HYCC2: variants seen among roughly 807,000 people sequenced by gnomAD.
The protein encoded by HYCC2 is hyccin 2.
the HYCC2 span, among the ~76,000 whole-genome samples, chr2:200,982,860 T>G: frequency 6.6e-6 from 1 of 152,116 alleles, no homozygotes; most frequent in African/African-American, 2.4e-5. Flanking sequence ...CAGGTTCAAG[T>G]AATTCTCCTG....
At chr2:200,974,612 T>G in the HYCC2 span, 7 of 152,054 alleles carry the variant, frequency 4.6e-5, no homozygotes, top group Admixed American at 1.3e-4. Flanking sequence ...TATCAGTGAT[T>G]GTTAGAAAGC....
At chr2:201,069,417 T>G in the HYCC2 span, among the ~76,000 whole-genome samples, 2 of 152,176 alleles carry the variant, frequency 1.3e-5, no homozygotes, top group African/African-American at 2.4e-5. Flanking sequence ...CTAGTGTTTC[T>G]TTAGCTACTT....
the HYCC2 span, among the ~76,000 whole-genome samples, chr2:201,006,437 G>A: frequency 6.6e-6 from 1 of 151,784 alleles, no homozygotes; most frequent in African/African-American, 2.4e-5. Context: ...CGCACCTGGC[G>A]AGATTTTTTT....
the HYCC2 span, among the ~76,000 whole-genome samples, chr2:201,057,943 C>T: frequency 6.6e-6 from 1 of 152,100 alleles, no homozygotes; most frequent in Admixed American, 6.5e-5. Context: ...TCAACAGGCA[C>T]GTGAACAAAA....
At chr2:201,063,303 T>G in the HYCC2 span, 36 of 1,537,434 alleles carry the variant, frequency 2.3e-5, no homozygotes, top group Admixed American at 3.3e-5. Context: ...GAGGCAGCTA[T>G]GAATGCAAGG....
the HYCC2 span, among the ~76,000 whole-genome samples, chr2:201,027,197 T>G: frequency 2.4e-3 from 363 of 152,196 alleles, 1 homozygote; most frequent in African/African-American, 8.0e-3. Flanking sequence ...TCTACGCAAA[T>G]AAACTAGAAA....
At chr2:201,041,140 T>A in the HYCC2 span, among the ~76,000 whole-genome samples, 1 of 152,232 alleles carries the variant, frequency 6.6e-6, no homozygotes, top group African/African-American at 2.4e-5. Flanking sequence ...GTGTTTGCTA[T>A]AAGCATTATA....
At chr2:201,040,458 T>C in the HYCC2 span, among the ~76,000 whole-genome samples, 1 of 151,166 alleles carries the variant, frequency 6.6e-6, no homozygotes, top group African/African-American at 2.4e-5. Context: ...TTATTGCTTT[T>C]GTTTTTTTTT....
chr2:201,021,018 C>T, the HYCC2 span, among the ~76,000 whole-genome samples: 1 of 152,124 alleles, frequency 6.6e-6, no homozygotes, highest in Non-Finnish European at 1.5e-5. Flanking sequence ...CCACTCCGCT[C>T]CGCCTCCCAA....
the HYCC2 span, among the ~76,000 whole-genome samples, chr2:200,989,651 A>C: frequency 6.6e-6 from 1 of 151,850 alleles, no homozygotes; most frequent in African/African-American, 2.4e-5. Flanking sequence ...CGTCTCCACA[A>C]AAAAATACGA....
At chr2:201,007,934 T>A in the HYCC2 span, among the ~76,000 whole-genome samples, 1 of 152,338 alleles carries the variant, frequency 6.6e-6, no homozygotes, top group Admixed American at 6.5e-5. Flanking sequence ...GGGTAATGTA[T>A]CCTGACTTCA....
the HYCC2 span, among the ~76,000 whole-genome samples, chr2:201,070,730 C>G: frequency 1.3e-5 from 2 of 152,062 alleles, no homozygotes; most frequent in African/African-American, 2.4e-5. Flanking sequence ...TCCACAATAT[C>G]CTGGGGGGAG....
chr2:201,042,247 C>CGAG, the HYCC2 span, among the ~76,000 whole-genome samples: 1 of 152,234 alleles, frequency 6.6e-6, no homozygotes. Flanking sequence ...CGGAGTCTCG[C>CGAG]TCACTCAATG....
At chr2:200,994,263 G>GTCTC in the HYCC2 span, among the ~76,000 whole-genome samples, 1 of 151,680 alleles carries the variant, frequency 6.6e-6, no homozygotes, top group African/African-American at 2.4e-5. Flanking sequence ...TGGAGACGGA[G>GTCTC]TCTCGCTCTG....
the HYCC2 span, chr2:200,978,108 A>G: frequency 6.6e-6 from 1 of 152,200 alleles, no homozygotes; most frequent in Non-Finnish European, 1.5e-5. Flanking sequence ...AAGTATGAAT[A>G]TTGCTGGCAT....
chr2:201,063,658 A>G, the HYCC2 span: 18 of 1,574,612 alleles, frequency 1.1e-5, no homozygotes, highest in South Asian at 4.4e-5. Flanking sequence ...CTAGTGCTTC[A>G]TCTAGCCAAA....
the HYCC2 span, among the ~76,000 whole-genome samples, chr2:201,041,086 T>C: frequency 6.6e-6 from 1 of 152,192 alleles, no homozygotes; most frequent in Non-Finnish European, 1.5e-5. Flanking sequence ...ATATAGTTTT[T>C]GTATACTTAG....
At chr2:201,005,298 G>A in the HYCC2 span, among the ~76,000 whole-genome samples, 1,721 of 152,194 alleles carry the variant, frequency 0.011, 17 homozygotes, top group Non-Finnish European at 0.017. Context: ...TTTGGGATTA[G>A]GCAGTGGAGA....
chr2:201,008,670 G>C, the HYCC2 span, among the ~76,000 whole-genome samples: 4 of 152,274 alleles, frequency 2.6e-5, 1 homozygote, highest in African/African-American at 9.6e-5. Flanking sequence ...TGAGGCAGGA[G>C]AAGTGCTTGA....
Sources: gnomAD v4.1 joint callset for allele counts (sites outside exome capture counted in the v4.1 genomes callset) on GRCh38, gnomAD v4.1.1 for gene constraint, MANE v1.5 for transcripts, NCBI Gene and HGNC (gene_info 2026-07-23, HGNC 2026-07-21) for gene names.